Variants in PCDH9 observed in about 807,000 individuals in gnomAD.
The protein encoded by PCDH9 is protocadherin-9.
PCDH9 carries 24 observed loss-of-function variants against 70.6 expected under a neutral mutation model. The ratio of observed to expected loss-of-function variants is 0.34; its 90% CI spans 0.25 to 0.48. The LOEUF (loss-of-function observed/expected upper bound fraction) is 0.48, where lower values mean the gene tolerates loss of function less well. Ranked by LOEUF, PCDH9 falls within the 20% of genes least tolerant of loss-of-function variation. PCDH9 has a pLI of 0.99. For synonymous variants in PCDH9, 562 were observed against 558.5 expected, an observed-to-expected ratio of 1.01 and a Z score of -0.09; for missense variants, 1,281 against 1,503.6, an observed-to-expected ratio of 0.85 and a Z score of 2.45.
intron 4 of PCDH9, among the ~76,000 whole-genome samples, chr13:66,566,643 C>T (rs1353999462): frequency 6.6e-6 from 1 of 152,084 alleles, no homozygotes; most frequent in Non-Finnish European, 1.5e-5. Flanking sequence ...AGTAACTTTG[C>T]CTGTCAGGAA....
intron 2 of PCDH9, among the ~76,000 whole-genome samples, chr13:67,121,771 T>C (rs1246964599): frequency 1.3e-5 from 2 of 152,194 alleles, no homozygotes; most frequent in Admixed American, 6.5e-5. Flanking sequence ...TGCAAAAGAT[T>C]GGGCACTCTC....
At chr13:67,015,404 A>G (rs577897634) in intron 2 of PCDH9, among the ~76,000 whole-genome samples, 2 of 152,274 alleles carry the variant, frequency 1.3e-5, no homozygotes, top group South Asian at 4.1e-4. Flanking sequence ...TTTGTTAGTT[A>G]TCCCTTCTCT....
At chr13:66,811,638 A>C (rs2080507727) in intron 3 of PCDH9, among the ~76,000 whole-genome samples, 1 of 134,396 alleles carries the variant, frequency 7.4e-6, no homozygotes, top group African/African-American at 2.9e-5. Context: ...CTGCCTGCCT[A>C]ACCTGCCTTC....
In PCDH9 at chr13:66,629,022, T is replaced by C. The variant is rs139669750; in HGVS notation, c.3340+2188A>G. On this transcript the variant is annotated intron_variant, in intron 4 of 4. Transcript: ENST00000377865. ...AACTAGAAAATTACCCAGATGTTCATTGGTTTCTGAAATCCACTGATTAAA... is the reference window on the plus strand; with the variant it reads ...AACTAGAAAATTACCCAGATGTTCACTGGTTTCTGAAATCCACTGATTAAA... 9.1e-3 allele frequency among the ~76,000 whole-genome samples: 1,381 copies of C among 152,352 alleles called. 10 individuals carry two copies. Among genetic ancestry groups the C allele is most frequent in the Non-Finnish European group, 0.013 (854 of 68,032 alleles).
intron 4 of PCDH9, among the ~76,000 whole-genome samples, chr13:66,579,043 T>C (rs2076853886): frequency 6.6e-6 from 1 of 152,056 alleles, no homozygotes; most frequent in Admixed American, 6.6e-5. Flanking sequence ...GACCTATAAA[T>C]CAACCAGTAA....
At chr13:66,678,964 G>GTA (rs981346897) in intron 3 of PCDH9, among the ~76,000 whole-genome samples, 8 of 150,932 alleles carry the variant, frequency 5.3e-5, no homozygotes, top group Non-Finnish European at 8.9e-5. Flanking sequence ...TATACATCCA[G>GTA]TATATATATA....
In PCDH9 at chr13:66,615,457, T is replaced by TTG. The variant is rs1406893203; in HGVS notation, c.3340+15752_3340+15753insCA. Reference sequence around the variant, plus strand: ...AACCACAGAGATAACCAAACTTCTTTGTCAATTGTGTTTCTAACTATAACT... The same window carrying TTG: ...AACCACAGAGATAACCAAACTTCTTTTGGTCAATTGTGTTTCTAACTATAACT... On this transcript the variant is annotated intron_variant, in intron 4 of 4. Transcript: ENST00000377865. Among the ~76,000 whole-genome samples, 8 of 152,342 alleles carry TTG rather than the reference T, an allele frequency of 5.3e-5. No individual in the cohort carries two copies. In the East Asian group the frequency reaches 1.5e-3, roughly 29 times the overall value.
At chr13:67,112,568 T>C (rs2086677779) in intron 2 of PCDH9, among the ~76,000 whole-genome samples, 1 of 152,204 alleles carries the variant, frequency 6.6e-6, no homozygotes, top group African/African-American at 2.4e-5. Flanking sequence ...TAAAAGAATA[T>C]GTGAAGCTAC....
At chr13:66,887,186 T>C (rs979070884) in intron 3 of PCDH9, among the ~76,000 whole-genome samples, 2 of 151,982 alleles carry the variant, frequency 1.3e-5, no homozygotes, top group African/African-American at 4.8e-5. Flanking sequence ...GTTCACATCC[T>C]GGACCATGCC....
chr13:67,204,174 T>C (rs561756826), intron 2 of PCDH9: 6 of 152,226 alleles, frequency 3.9e-5, no homozygotes, highest in Admixed American at 6.5e-5. Context: ...TTTTAAGAGA[T>C]AAAAGTGGCC....
At chr13:66,682,143 A>T (rs951692235) in intron 3 of PCDH9, among the ~76,000 whole-genome samples, 1 of 151,692 alleles carries the variant, frequency 6.6e-6, no homozygotes, top group Non-Finnish European at 1.5e-5. Flanking sequence ...TCATTATCTC[A>T]CTATTGAATC....
At chr13:66,496,910 T>C (rs1959125833) in intron 4 of PCDH9, among the ~76,000 whole-genome samples, 1 of 152,212 alleles carries the variant, frequency 6.6e-6, no homozygotes, top group South Asian at 2.1e-4. Flanking sequence ...AAGGCTCTTA[T>C]ATCCAATGCA....
At position 66,316,118 on chromosome 13, in the gene PCDH9, A is replaced by C. The variant is rs543251858; in HGVS notation, c.3341-11090T>G. Among the ~76,000 whole-genome samples, 3 of 151,830 alleles carry C rather than the reference A, an allele frequency of 2.0e-5. No homozygotes were observed. The South Asian group carries it at 6.3e-4, about 32-fold the overall frequency. On this transcript the variant is annotated intron_variant, in intron 4 of 4. Transcript: ENST00000377865. ...TCTATCTTCAAAACACATCATTCTAACCTCTGCTTCCATCATCACATCACC... is the reference window on the plus strand; with the variant it reads ...TCTATCTTCAAAACACATCATTCTACCCTCTGCTTCCATCATCACATCACC...
intron 3 of PCDH9, among the ~76,000 whole-genome samples, chr13:66,775,893 G>A (rs2079884166): frequency 6.6e-6 from 1 of 152,050 alleles, no homozygotes; most frequent in Non-Finnish European, 1.5e-5. Context: ...ACTGACAAAT[G>A]GGAATAGATC....
intron 4 of PCDH9, among the ~76,000 whole-genome samples, chr13:66,324,280 C>T (rs1955804336): frequency 1.3e-5 from 2 of 151,960 alleles, no homozygotes; most frequent in South Asian, 2.1e-4. Context: ...ATCTGCTCCC[C>T]TTCACGAGAC....
chr13:66,703,603 A>G (rs2078674804), intron 3 of PCDH9, among the ~76,000 whole-genome samples: 1 of 152,226 alleles, frequency 6.6e-6, no homozygotes, highest in Non-Finnish European at 1.5e-5. Context: ...ATTGAAATTA[A>G]GAAAACATTT....
At chr13:67,221,041 G>A (rs183541516) in intron 2 of PCDH9, 3 of 152,028 alleles carry the variant, frequency 2.0e-5, no homozygotes, top group East Asian at 3.9e-4. Flanking sequence ...ATGACCATAG[G>A]GCACTTAGCC....
intron 2 of PCDH9, among the ~76,000 whole-genome samples, chr13:67,106,636 T>G (rs1417240279): frequency 6.6e-6 from 1 of 152,172 alleles, no homozygotes; most frequent in Non-Finnish European, 1.5e-5. Flanking sequence ...GTGGAGCTAA[T>G]GGGGACTGGG....
chr13:66,565,120 T>C (rs1392625040), intron 4 of PCDH9, among the ~76,000 whole-genome samples: 5 of 152,206 alleles, frequency 3.3e-5, no homozygotes, highest in African/African-American at 1.2e-4. Context: ...AATTTCTGTG[T>C]CTTCAAATTG....
Sources: gnomAD v4.1 joint callset for allele counts (sites outside exome capture counted in the v4.1 genomes callset) on GRCh38, gnomAD v4.1.1 for gene constraint, MANE v1.5 for transcripts, NCBI Gene and HGNC (gene_info 2026-07-23, HGNC 2026-07-21) for gene names.